The following DZANK1 variants were observed in gnomAD, a reference collection of about 807,000 sequenced individuals.
The protein encoded by DZANK1 is double zinc ribbon and ankyrin repeat-containing protein 1.
In DZANK1, 91 loss-of-function variants were observed where a neutral mutation model predicts 94.5. The observed-to-expected ratio is 0.96, with a 90% CI of 0.81 to 1.15. The LOEUF (loss-of-function observed/expected upper bound fraction) is 1.15. Ranked by LOEUF, DZANK1 falls within the 50% of genes most tolerant of loss-of-function variation. The pLI is 0.00. For synonymous variants in DZANK1, 312 were observed against 325.3 expected, an observed-to-expected ratio of 0.96 and a Z score of 0.44; for missense variants, 903 against 916.4, an observed-to-expected ratio of 0.99 and a Z score of 0.19.
At chr20:18,452,666 G>A (rs749916232) in exon 6 of DZANK1, 191 of 1,606,726 alleles carry the variant, frequency 1.2e-4, no homozygotes, top group Non-Finnish European at 1.5e-4. Flanking sequence ...CATAAGCTGG[G>A]ATTTCCAATG....
At chr20:18,397,741 C>G (rs2056428305) in intron 14 of DZANK1, among the ~76,000 whole-genome samples, 1 of 152,156 alleles carries the variant, frequency 6.6e-6, no homozygotes, top group Non-Finnish European at 1.5e-5. Context: ...CGGGAATCAT[C>G]TAGAGTCTAG....
At chr20:18,440,967 T>C (rs555308175) in intron 8 of DZANK1, among the ~76,000 whole-genome samples, 1 of 152,190 alleles carries the variant, frequency 6.6e-6, no homozygotes, top group African/African-American at 2.4e-5. Flanking sequence ...TTTTCATCAA[T>C]ATAACCCTGG....
chr20:18,433,559 G>T (rs1385222519), intron 9 of DZANK1, 93 bp downstream of exon 9: 107 of 1,051,746 alleles, frequency 1.0e-4, no homozygotes, highest in South Asian at 1.0e-4. Flanking sequence ...AAAAAAAATT[G>T]TTACCCCATC....
At chr20:18,456,602 C>T (rs959303573) in intron 3 of DZANK1, among the ~76,000 whole-genome samples, 2 of 152,198 alleles carry the variant, frequency 1.3e-5, no homozygotes, top group Non-Finnish European at 2.9e-5. Context: ...TAGGCAACCA[C>T]TGATCTGTTT....
Position 18,431,786 on chromosome 20 carries a change from C to G in DZANK1, c.861+1866G>C, listed in dbSNP as rs35749978. On this transcript the variant is annotated intron_variant, in intron 9 of 20. Coordinates refer to ENST00000262547, the Ensembl canonical transcript of DZANK1. Reference sequence around the variant, plus strand: ...AGTCTGGTAGAGAAGGTGCCATCTCCTATAACCCACAGCACCCCAGCATTG... The same window carrying G: ...AGTCTGGTAGAGAAGGTGCCATCTCGTATAACCCACAGCACCCCAGCATTG... Among the ~76,000 whole-genome samples, 1,271 of 152,284 alleles carry G rather than the reference C, an allele frequency of 8.3e-3. 19 individuals carry two copies. Among genetic ancestry groups the G allele is most frequent in the South Asian group, 0.054 (262 of 4,824 alleles).
chr20:18,421,477 T>C (rs2057775071), intron 10 of DZANK1: 1 of 152,734 alleles, frequency 6.5e-6, no homozygotes, highest in Non-Finnish European at 1.5e-5. Flanking sequence ...TCAGGGACTT[T>C]GCTTGGTTAA....
At chr20:18,466,060 T>A (rs1007827374) in intron 1 of DZANK1, among the ~76,000 whole-genome samples, 2 of 152,192 alleles carry the variant, frequency 1.3e-5, no homozygotes, top group African/African-American at 4.8e-5. Flanking sequence ...CTTACTGGTC[T>A]TTTTGGAGGT....
In DZANK1 at chr20:18,403,692, T is replaced by A. The variant is rs73902458; in HGVS notation, c.1433-5066A>T. ...ATTCAAACACTGACCTAAAAAACAA[T>A]CCCTGTAAAGCCAGGTTGTCCAACC... On this transcript the variant is annotated intron_variant, in intron 13 of 20. Transcript: ENST00000262547. Among the ~76,000 whole-genome samples, 1,115 of 144,416 alleles carry A rather than the reference T, an allele frequency of 7.7e-3. 15 individuals are homozygous for A. Among genetic ancestry groups the A allele is most frequent in the African/African-American group, 0.028 (1,078 of 39,172 alleles). 94.7% of individuals were successfully genotyped at this position (144,416 alleles called of 152,430 possible). A position where few individuals can be genotyped will look rare whatever the true frequency, so the allele number is the denominator to read the frequency against.
chr20:18,421,880 C>CT (rs1307485965), intron 10 of DZANK1, among the ~76,000 whole-genome samples: 2 of 152,142 alleles, frequency 1.3e-5, no homozygotes, highest in East Asian at 3.9e-4. Flanking sequence ...TGCAGGACTG[C>CT]TCCCTTTGCC....
At chr20:18,409,659 C>A (rs965642868) in intron 13 of DZANK1, among the ~76,000 whole-genome samples, 1 of 151,384 alleles carries the variant, frequency 6.6e-6, no homozygotes, top group African/African-American at 2.4e-5. Flanking sequence ...ATTTCTTTTC[C>A]CTTCTTCTCA....
chr20:18,398,648 G>A (rs577908080), intron 13 of DZANK1, 22 bp from the exon 14 acceptor site: 75 of 1,598,922 alleles, frequency 4.7e-5, no homozygotes, highest in Admixed American at 1.3e-4. Flanking sequence ...GAGAAACCCC[G>A]CCATCTGGAT....
chr20:18,452,601 T>C lies in DZANK1; in HGVS notation c.543+14A>G, dbSNP rs1217293051. The C allele has an allele frequency of 1.3e-5, 20 of 1,596,994 alleles. No homozygotes were observed. The highest frequency in any genetic ancestry group is 1.7e-5 in the Non-Finnish European group (20 of 1,173,956). On this transcript the variant is annotated intron_variant, in intron 6 of 20. Coordinates refer to ENST00000262547, the Ensembl canonical transcript of DZANK1. ...AGGTATTTGAATACCCTAAAGATTGTCCTTAGAAGTTACCTGGGACTGGCG... is the reference window on the plus strand; with the variant it reads ...AGGTATTTGAATACCCTAAAGATTGCCCTTAGAAGTTACCTGGGACTGGCG...
At chr20:18,449,389 AT>A (rs1184146183) in intron 6 of DZANK1, among the ~76,000 whole-genome samples, 10 of 152,172 alleles carry the variant, frequency 6.6e-5, no homozygotes, top group African/African-American at 2.2e-4. Flanking sequence ...ATAAAAAATC[AT>A]TATGAGTAAT....
intron 19 of DZANK1, among the ~76,000 whole-genome samples, chr20:18,388,735 A>T (rs1053782037): frequency 6.6e-6 from 1 of 152,248 alleles, no homozygotes; most frequent in African/African-American, 2.4e-5. Flanking sequence ...ATTCTGCTGT[A>T]AAATAAAACT....
intron 7 of DZANK1, among the ~76,000 whole-genome samples, chr20:18,448,718 T>G (rs1392599319): frequency 6.6e-6 from 1 of 151,772 alleles, no homozygotes; most frequent in Non-Finnish European, 1.5e-5. Context: ...AACACAAAAA[T>G]TAGCTGGGCG....
rs1160782966 is a variant in DZANK1, at chr20:18,396,363, A to G, written c.1611+109T>C. 53 of 882,526 alleles carry G rather than the reference A, an allele frequency of 6.0e-5. No individual in the cohort carries two copies. The Admixed American group carries it at 1.3e-3, about 22-fold the overall frequency. The allele number at this position is 882,526 out of a possible 1,614,324, so 54.7% of individuals were successfully genotyped here. On this transcript the variant is annotated intron_variant, in intron 15 of 20. Transcript: ENST00000262547. ...TGCTTGCCTCTAGTAGCATTTCATA[A>G]TGTGTGAAACTTTTCCTTTCTATGG... is the stretch of plus-strand genomic sequence containing the variant.
intron 2 of DZANK1, among the ~76,000 whole-genome samples, chr20:18,464,142 C>T (rs915737915): frequency 2.6e-5 from 4 of 151,560 alleles, no homozygotes; most frequent in African/African-American, 7.3e-5. Context: ...GGCGCCATCT[C>T]GGCTCACTGC....
Position 18,385,014 on chromosome 20 carries a change from A to G in DZANK1, c.2093+2T>C, listed in dbSNP as rs1459928524. On this transcript the variant is annotated splice_donor_variant, in intron 20 of 20. Transcript: ENST00000262547. LOFTEE classifies it high-confidence loss of function. ...GTATCCATCAGAGGCCAGGGGACAT[A>G]CCCCAGTAAAGTGGCGGTGCTCTCT... The G allele has an allele frequency of 6.4e-7, 1 of 1,552,450 alleles. No individual in the cohort carries two copies. The highest frequency in any genetic ancestry group is 1.2e-5 in the South Asian group (1 of 84,070).
rs1484722207 is a variant in DZANK1 at position 18,414,330 on chromosome 20, C to T, written c.1242+18G>A. The T allele has an allele frequency of 1.9e-6, 3 of 1,613,000 alleles. No homozygotes were observed. The highest frequency in any genetic ancestry group is 2.5e-6 in the Non-Finnish European group (3 of 1,179,700). ...GCCTCTTCCTGGGTACCAGTTCTTA[C>T]TACAGGGGAGGCCTCACCTCAGAAA... On this transcript the variant is annotated intron_variant, in intron 12 of 20. Coordinates refer to ENST00000262547, the Ensembl canonical transcript of DZANK1.
Sources: gnomAD v4.1 joint callset for allele counts (sites outside exome capture counted in the v4.1 genomes callset) on GRCh38, gnomAD v4.1.1 for gene constraint, MANE v1.5 for transcripts, NCBI Gene and HGNC (gene_info 2026-07-23, HGNC 2026-07-21) for gene names.